GLIS3: variants seen among roughly 807,000 people sequenced by gnomAD.
The protein encoded by GLIS3 is zinc finger protein GLIS3.
In GLIS3, 53 loss-of-function variants were observed where a neutral mutation model predicts 78.6. The observed-to-expected ratio is 0.67, with a 90% confidence interval of 0.54 to 0.85. GLIS3 has a LOEUF of 0.85. GLIS3 is among the 40% of genes least tolerant of loss of function. The probability of loss-of-function intolerance (pLI) is 0.00; values close to 1 mark genes in which losing one functional copy is unlikely to be tolerated. For synonymous variants in GLIS3, 684 were observed against 509.9 expected (o/e 1.34, Z -4.60); for missense variants, 1,703 against 1,231.1 (o/e 1.38, Z -5.74).
the GLIS3 span, among the ~76,000 whole-genome samples, chr9:4,353,918 C>T: frequency 6.6e-6 from 1 of 152,148 alleles, no homozygotes; most frequent in East Asian, 1.9e-4. Context: ...AGCTCAGTCT[C>T]CCAGGTTCAC....
At chr9:3,858,425 A>C (rs1819931579) in intron 8 of GLIS3, among the ~76,000 whole-genome samples, 1 of 152,204 alleles carries the variant, frequency 6.6e-6, no homozygotes, top group African/African-American at 2.4e-5. Flanking sequence ...ATATCATTGA[A>C]TAAAGAAAAA....
At chr9:4,289,803 G>A (rs1488627575) in intron 1 of GLIS3, among the ~76,000 whole-genome samples, 4 of 152,082 alleles carry the variant, frequency 2.6e-5, no homozygotes, top group Non-Finnish European at 5.9e-5. Flanking sequence ...CTGCTAATAT[G>A]AGTCAGCATG....
chr9:3,988,899 A>G (rs1332483198), intron 4 of GLIS3, among the ~76,000 whole-genome samples: 2 of 152,124 alleles, frequency 1.3e-5, no homozygotes, highest in African/African-American at 4.8e-5. Context: ...GATCCATAAA[A>G]TGTATAAATT....
At chr9:4,276,878 C>T (rs1234193187) in intron 2 of GLIS3, among the ~76,000 whole-genome samples, 1 of 152,106 alleles carries the variant, frequency 6.6e-6, no homozygotes, top group Non-Finnish European at 1.5e-5. Context: ...AAAATGAAAA[C>T]TCTGGCTACC....
the GLIS3 span, among the ~76,000 whole-genome samples, chr9:4,367,094 C>T: frequency 1.3e-5 from 2 of 152,214 alleles, no homozygotes; most frequent in Non-Finnish European, 2.9e-5. Flanking sequence ...CTTCTAATTT[C>T]AATGACAAAA....
At chr9:4,199,134 CCTA>C (rs1819132574) in intron 2 of GLIS3, among the ~76,000 whole-genome samples, 3 of 152,162 alleles carry the variant, frequency 2.0e-5, no homozygotes, top group African/African-American at 7.2e-5. Context: ...GCCCACAAAT[CCTA>C]TAAAGCAATC....
At chr9:4,471,053 G>A in the GLIS3 span, among the ~76,000 whole-genome samples, 1 of 152,128 alleles carries the variant, frequency 6.6e-6, no homozygotes, top group East Asian at 1.9e-4. Context: ...TACAAGGGAT[G>A]TGAAGGACCT....
At chr9:4,054,915 A>G (rs975269076) in intron 4 of GLIS3, among the ~76,000 whole-genome samples, 1 of 152,188 alleles carries the variant, frequency 6.6e-6, no homozygotes, top group African/African-American at 2.4e-5. Context: ...TATTGGTCCA[A>G]ATAATGGTCT....
chr9:4,323,282 G>A (rs909711294), intron 2 of GLIS3, among the ~76,000 whole-genome samples: 2 of 152,134 alleles, frequency 1.3e-5, no homozygotes, highest in African/African-American at 2.4e-5. Flanking sequence ...TGATTTGCCT[G>A]CCTTGGCCTC....
At chr9:3,930,136 G>T (rs12340926) in intron 6 of GLIS3, among the ~76,000 whole-genome samples, 3,541 of 152,290 alleles carry the variant, frequency 0.023, 125 homozygotes, top group African/African-American at 0.076. Flanking sequence ...AATCCATCAT[G>T]GATTCATAAA....
rs77902747 is a variant in GLIS3, at chr9:4,194,843, C to G, written c.389-68902G>C. Among the ~76,000 whole-genome samples the G allele has an allele frequency of 4.9e-4, 74 of 152,348 alleles. 1 individual carries two copies. Among genetic ancestry groups the G allele is most frequent in the African/African-American group, 1.7e-3 (69 of 41,570 alleles). On this transcript the variant is annotated intron_variant, in intron 2 of 10. Transcript: ENST00000381971. ...TAACTTAGGGAGACGCTTGAAGATG[C>G]TGTGAGGGAAAAACACTGCGAAAAG...
At chr9:4,310,225 G>A (rs1342934295) in intron 3 of GLIS3, among the ~76,000 whole-genome samples, 2 of 152,026 alleles carry the variant, frequency 1.3e-5, no homozygotes, top group African/African-American at 4.8e-5. Context: ...GGGGTAGATG[G>A]GCCTTTTTCT....
the GLIS3 span, among the ~76,000 whole-genome samples, chr9:4,481,925 G>A: frequency 6.6e-6 from 1 of 152,126 alleles, no homozygotes. Context: ...AATTTATAAT[G>A]TTAAAAGTAT....
chr9:3,869,905 C>G (rs1378706850), intron 8 of GLIS3, among the ~76,000 whole-genome samples: 1 of 152,120 alleles, frequency 6.6e-6, no homozygotes, highest in Admixed American at 6.6e-5. Context: ...ATTTTGTGAA[C>G]TGTGAGAGGC....
At chr9:4,407,886 G>T in the GLIS3 span, among the ~76,000 whole-genome samples, 1 of 151,752 alleles carries the variant, frequency 6.6e-6, no homozygotes, top group Non-Finnish European at 1.5e-5. Flanking sequence ...GTTAATAATA[G>T]AATATATAAG....
intron 2 of GLIS3, among the ~76,000 whole-genome samples, chr9:4,149,039 A>G (rs1011779551): frequency 2.6e-5 from 4 of 152,142 alleles, no homozygotes; most frequent in African/African-American, 9.7e-5. Flanking sequence ...CAAATACTCC[A>G]AAGGAGGTGC....
At chr9:4,140,501 G>C (rs1235328384) in intron 2 of GLIS3, among the ~76,000 whole-genome samples, 2 of 152,150 alleles carry the variant, frequency 1.3e-5, no homozygotes, top group East Asian at 1.9e-4. Context: ...CAGACCCAGA[G>C]GGAAGGAAAA....
chr9:4,274,442 G>C (rs77685465), intron 2 of GLIS3, among the ~76,000 whole-genome samples: 2,284 of 152,110 alleles, frequency 0.015, 65 homozygotes, highest in African/African-American at 0.052. Flanking sequence ...GGTGCCCAGA[G>C]CCTCACTGGC....
intron 4 of GLIS3, among the ~76,000 whole-genome samples, chr9:3,979,322 G>T (rs1444918249): frequency 6.6e-6 from 1 of 152,260 alleles, no homozygotes; most frequent in Non-Finnish European, 1.5e-5. Context: ...CTCCCTCACT[G>T]TTCTGGTCAA....
Sources: gnomAD v4.1 joint callset for allele counts (sites outside exome capture counted in the v4.1 genomes callset) on GRCh38, gnomAD v4.1.1 for gene constraint, MANE v1.5 for transcripts, NCBI Gene and HGNC (gene_info 2026-07-23, HGNC 2026-07-21) for gene names.